PHTF2: variants seen among roughly 807,000 people sequenced by gnomAD.
PHTF2 encodes the protein putative homeodomain transcription factor 2, also known as protein PHTF2.
PHTF2 carries 60 observed loss-of-function variants against 101.2 expected under a neutral mutation model. The ratio of observed to expected loss-of-function variants is 0.59; its 90% CI spans 0.48 to 0.73. The LOEUF is 0.73. PHTF2 is among the 30% of genes least tolerant of loss of function. The pLI is 0.00. For synonymous variants in PHTF2, 311 were observed against 307.3 expected (o/e 1.01, Z -0.13); for missense variants, 747 against 908.7 (o/e 0.82, Z 2.29).
chr7:77,859,743 T>A (rs1245907578), intron 3 of PHTF2, among the ~76,000 whole-genome samples: 2 of 152,076 alleles, frequency 1.3e-5, no homozygotes, highest in Admixed American at 6.6e-5. Flanking sequence ...CTAATTTTTT[T>A]ATTTTAATTT....
intron 5 of PHTF2, among the ~76,000 whole-genome samples, chr7:77,897,637 A>G (rs892427162): frequency 7.2e-5 from 11 of 152,276 alleles, no homozygotes; most frequent in Non-Finnish European, 1.0e-4. Context: ...CCCCAAGCCA[A>G]TTGAAAATTT....
At chr7:77,880,321 T>G (rs892311839) in intron 3 of PHTF2, among the ~76,000 whole-genome samples, 7 of 152,238 alleles carry the variant, frequency 4.6e-5, no homozygotes, top group African/African-American at 1.7e-4. Context: ...GATTTCTCAG[T>G]AACTCAGTAA....
chr7:77,799,785 C>T (rs2150447939), intron 1 of PHTF2, among the ~76,000 whole-genome samples: 1 of 152,300 alleles, frequency 6.6e-6, no homozygotes, highest in Non-Finnish European at 1.5e-5. Flanking sequence ...TTATACTAAC[C>T]TGGGCAGTGC....
exon 20 of PHTF2, chr7:77,955,725 A>G (rs865952625): frequency 2.6e-4 from 39 of 152,732 alleles, no homozygotes; most frequent in African/African-American, 8.9e-4. Context: ...TGATATTACT[A>G]AAGTACATTA....
chr7:77,952,819 G>GT (rs1189815958), intron 18 of PHTF2, among the ~76,000 whole-genome samples: 1 of 152,112 alleles, frequency 6.6e-6, no homozygotes, highest in Non-Finnish European at 1.5e-5. Context: ...AACATAGATC[G>GT]TACCTTCTTT....
At chr7:77,799,280 C>T (rs866737917) in intron 1 of PHTF2, among the ~76,000 whole-genome samples, 13 of 152,340 alleles carry the variant, frequency 8.5e-5, no homozygotes, top group Admixed American at 2.6e-4. Flanking sequence ...CGCCACCCGC[C>T]CCTCGGGCCC....
intron 1 of PHTF2, among the ~76,000 whole-genome samples, chr7:77,810,339 C>G (rs973408559): frequency 2.0e-5 from 3 of 152,166 alleles, no homozygotes; most frequent in African/African-American, 4.8e-5. Context: ...GTACTGTTTT[C>G]TAATCTACAG....
At chr7:77,932,444 C>T (rs919949839) in intron 12 of PHTF2, among the ~76,000 whole-genome samples, 2 of 151,806 alleles carry the variant, frequency 1.3e-5, no homozygotes, top group Non-Finnish European at 2.9e-5. Context: ...ATCTTTTTTC[C>T]GTGAAGTGCA....
intron 12 of PHTF2, among the ~76,000 whole-genome samples, chr7:77,930,812 T>C (rs1056562704): frequency 6.6e-5 from 10 of 152,226 alleles, no homozygotes; most frequent in Non-Finnish European, 1.5e-4. Context: ...TACCTCTGTC[T>C]GGTTTTGGTT....
intron 1 of PHTF2, among the ~76,000 whole-genome samples, chr7:77,838,761 C>G (rs1302536029): frequency 6.6e-6 from 1 of 152,018 alleles, no homozygotes; most frequent in Non-Finnish European, 1.5e-5. Flanking sequence ...TGACTCTAAC[C>G]TTCTTTTCTT....
At chr7:77,914,415 A>G (rs1375631476) in intron 9 of PHTF2, among the ~76,000 whole-genome samples, 1 of 152,224 alleles carries the variant, frequency 6.6e-6, no homozygotes, top group Non-Finnish European at 1.5e-5. Context: ...AGCTAAGAAT[A>G]GGAGAGTGAG....
intron 3 of PHTF2, among the ~76,000 whole-genome samples, chr7:77,855,337 A>G (rs1584497925): frequency 6.6e-6 from 1 of 152,246 alleles, no homozygotes; most frequent in East Asian, 1.9e-4. Context: ...CCTGCTATCC[A>G]AGTTCCAAGA....
chr7:77,875,118 T>C (rs1798820214), intron 3 of PHTF2, among the ~76,000 whole-genome samples: 1 of 152,190 alleles, frequency 6.6e-6, no homozygotes, highest in African/African-American at 2.4e-5. Flanking sequence ...AATTGTAGGA[T>C]TGTTTTTTTC....
At chr7:77,841,606 G>A (rs912564681) in intron 2 of PHTF2, among the ~76,000 whole-genome samples, 2 of 152,104 alleles carry the variant, frequency 1.3e-5, no homozygotes, top group Admixed American at 6.6e-5. Flanking sequence ...GATGGCATGG[G>A]ATTATGGTCT....
intron 18 of PHTF2, among the ~76,000 whole-genome samples, chr7:77,952,418 A>C (rs561403467): frequency 4.4e-4 from 67 of 152,300 alleles, no homozygotes; most frequent in Non-Finnish European, 7.8e-4. Context: ...GGTATAGACT[A>C]TGCACCACAT....
intron 5 of PHTF2, chr7:77,896,125 A>G (rs1035518126): frequency 1.3e-5 from 2 of 152,196 alleles, no homozygotes; most frequent in Non-Finnish European, 2.9e-5. Context: ...TGTACTTAGA[A>G]CCACTGAATT....
chr7:77,915,250 C>T (rs945679234), intron 9 of PHTF2, among the ~76,000 whole-genome samples: 5 of 150,710 alleles, frequency 3.3e-5, no homozygotes, highest in African/African-American at 1.2e-4. Flanking sequence ...GATGGCGTCT[C>T]ACTCTGTTGC....
intron 8 of PHTF2, 157 bp downstream of exon 7, chr7:77,909,115 G>T: frequency 2.1e-6 from 1 of 479,988 alleles, no homozygotes; most frequent in Non-Finnish European, 3.6e-6. Flanking sequence ...AGATGATTTA[G>T]TTTCCATATT....
At chr7:77,914,834 A>T (rs1204901436) in intron 9 of PHTF2, among the ~76,000 whole-genome samples, 1 of 152,168 alleles carries the variant, frequency 6.6e-6, no homozygotes, top group Non-Finnish European at 1.5e-5. Context: ...GTTATATCGG[A>T]TCCACATTAA....
Sources: allele counts gnomAD v4.1 joint callset (sites outside exome capture counted in the v4.1 genomes callset), GRCh38; gene constraint gnomAD v4.1.1; transcripts MANE v1.5; gene names NCBI Gene and HGNC (gene_info 2026-07-23, HGNC 2026-07-21).